DHRS4: variants seen among roughly 807,000 people sequenced by gnomAD.
DHRS4 encodes dehydrogenase/reductase SDR family member 4.
DHRS4 carries 20 observed loss-of-function variants against 28.4 expected under a neutral mutation model. That is an observed-to-expected ratio of 0.71 (90% CI 0.50 to 1.02). DHRS4 has a LOEUF of 1.02. Among genes scored for constraint, DHRS4 ranks in the 50% least tolerant of loss-of-function variants. The probability of loss-of-function intolerance (pLI) is 0.00; values close to 1 mark genes in which losing one functional copy is unlikely to be tolerated. For synonymous variants in DHRS4, 144 were observed against 146.4 expected (o/e 0.98, Z 0.12); for missense variants, 378 against 367.2 (o/e 1.03, Z -0.24).
At chr14:23,954,924 T>C (rs1423510833) in intron 1 of DHRS4, 111 bp from the exon 2 acceptor site, 7 of 1,543,888 alleles carry the variant, frequency 4.5e-6, no homozygotes, top group Non-Finnish European at 6.1e-6. Context: ...GTAGGGGTTA[T>C]ATAGAGAAAG....
Position 23,958,651 on chromosome 14 carries a change from T to C in DHRS4, c.307-1251T>C, listed in dbSNP as rs145271891. Among the ~76,000 whole-genome samples the C allele has an allele frequency of 3.6e-3, 554 of 152,256 alleles. 3 individuals carry two copies. Among genetic ancestry groups the C allele is most frequent in the African/African-American group, 0.013 (528 of 41,530 alleles). ...CAGGGAAAATGACATCATAACCAAA[T>C]ATGGAATTGCTTTAAATTCAGGCTG... On this transcript the variant is annotated intron_variant, in intron 2 of 7. Coordinates refer to ENST00000313250, the MANE Select transcript of DHRS4 (RefSeq NM_021004.4).
intron 2 of DHRS4, among the ~76,000 whole-genome samples, chr14:23,957,813 AG>A (rs2033237288): frequency 6.7e-6 from 1 of 149,240 alleles, no homozygotes; most frequent in Non-Finnish European, 1.5e-5. Flanking sequence ...GGCCTACCAA[AG>A]TGCTAGGATT....
At position 23,968,113 on chromosome 14, in the gene DHRS4, CTTTTT is replaced by C. The variant is rs1422956878; in HGVS notation, c.723-642_723-638del. 1.9e-5 allele frequency: 2 copies of C among 102,772 alleles called. 1 individual carries two copies. Among genetic ancestry groups the C allele is most frequent in the Non-Finnish European group, 3.7e-5 (2 of 54,158 alleles). 6.4% of individuals were successfully genotyped at this position (102,772 alleles called of 1,614,324 possible). On this transcript the variant is annotated intron_variant, in intron 7 of 7. Transcript: ENST00000313250. ...TTTTCTTTGTCTTTTCTTTTCTTTTCTTTTTTGGTTTAAGCCTCTCAAATGATTGC... is the reference window on the plus strand; with the variant it reads ...TTTTCTTTGTCTTTTCTTTTCTTTTCTGGTTTAAGCCTCTCAAATGATTGC...
chr14:23,954,952 G>A (rs572047087), intron 1 of DHRS4, 83 bp from the exon 2 acceptor site: 26 of 1,579,098 alleles, frequency 1.6e-5, no homozygotes, highest in Admixed American at 1.3e-4. Context: ...ATTCAAACCC[G>A]GGCAGTCTTA....
chr14:23,958,903 A>G (rs1449515461), intron 2 of DHRS4, among the ~76,000 whole-genome samples: 2 of 152,202 alleles, frequency 1.3e-5, no homozygotes, highest in Non-Finnish European at 2.9e-5. Context: ...CTACTGAACT[A>G]TAAGATCTTG....
At chr14:23,967,314 G>T (rs780495364) in intron 7 of DHRS4, 48 bp downstream of exon 7, 3 of 1,593,284 alleles carry the variant, frequency 1.9e-6, no homozygotes, top group East Asian at 4.6e-5. Context: ...AAGATGGGAA[G>T]GTCTGGTCCC....
intron 2 of DHRS4, among the ~76,000 whole-genome samples, chr14:23,957,602 G>C (rs1010747094): frequency 1.3e-5 from 2 of 150,356 alleles, no homozygotes; most frequent in African/African-American, 4.9e-5. Flanking sequence ...TGTTGCCCAG[G>C]CTGCAGTGCA....
intron 3 of DHRS4, among the ~76,000 whole-genome samples, chr14:23,960,599 T>G (rs1417597767): frequency 6.6e-6 from 1 of 152,004 alleles, no homozygotes; most frequent in Non-Finnish European, 1.5e-5. Context: ...TATGTGAAAG[T>G]GTATAATTAC....
chr14:23,953,836 G>C lies in DHRS4; in HGVS notation c.48G>C (p.Ser16=), dbSNP rs771904106. The change falls in exon 1 of 8, where the codon TCG becomes TCC. Residue 16 remains serine, a synonymous_variant. Transcript: ENST00000313250. ...GCCTCTGTGCCCGGGCTTGGAATTC[G>C]GTGCGGATGGCCAGCTCCGGGATGA... ...LLGLCARAWN[S]VRMASSGMTR... is the part of the protein sequence containing the mutation. The C allele has an allele frequency of 1.9e-6, 3 of 1,613,940 alleles. No individual in the cohort carries two copies. Among genetic ancestry groups the C allele is most frequent in the Non-Finnish European group, 2.5e-6 (3 of 1,179,970 alleles).
chr14:23,955,130 C>T lies in DHRS4; in HGVS notation c.224C>T (p.Thr75Met), dbSNP rs139648244. 496 of 1,614,016 alleles carry T rather than the reference C, an allele frequency of 3.1e-4. No individual in the cohort carries two copies. The highest frequency in any genetic ancestry group is 3.9e-4 in the Non-Finnish European group (462 of 1,179,914). ...CAGAATGTGGACCAGGCGGTGGCCA[C>T]GCTGCAGGGGGAGGGGCTGAGCGTG... is the stretch of plus-strand genomic sequence containing the variant. Reference protein sequence around the residue: ...KQQNVDQAVATLQGEGLSVTG... With the variant: ...KQQNVDQAVAMLQGEGLSVTG... The change falls in exon 2 of 8, where the codon ACG becomes ATG. Residue 75 changes from threonine to methionine, a missense_variant. Coordinates refer to ENST00000313250, the MANE Select transcript of DHRS4 (RefSeq NM_021004.4).
chr14:23,968,526 A>G (rs1052764431), intron 7 of DHRS4, among the ~76,000 whole-genome samples: 2 of 151,080 alleles, frequency 1.3e-5, no homozygotes, highest in African/African-American at 4.9e-5. Flanking sequence ...GTGTGTTTCT[A>G]TAGTATTTGA....
chr14:23,956,768 T>C (rs1483179026), intron 2 of DHRS4, among the ~76,000 whole-genome samples: 1 of 152,034 alleles, frequency 6.6e-6, no homozygotes, highest in Non-Finnish European at 1.5e-5. Context: ...CACGTCCAGC[T>C]AATTTTTGTA....
chr14:23,956,515 AG>A (rs1213548687), intron 2 of DHRS4, among the ~76,000 whole-genome samples: 2 of 152,056 alleles, frequency 1.3e-5, no homozygotes, highest in African/African-American at 4.8e-5. Flanking sequence ...GAGCACTGTC[AG>A]GCCACAGTGG....
intron 3 of DHRS4, among the ~76,000 whole-genome samples, chr14:23,963,711 G>T (rs2033504244): frequency 6.9e-6 from 1 of 145,906 alleles, no homozygotes; most frequent in Non-Finnish European, 1.5e-5. Flanking sequence ...TTTCCTTCAA[G>T]AATTTTTCCT....
At chr14:23,954,914 G>T in intron 1 of DHRS4, 121 bp from the exon 2 acceptor site, 11 of 1,507,506 alleles carry the variant, frequency 7.3e-6, no homozygotes, top group Non-Finnish European at 6.2e-6. Context: ...GTAGGCACAC[G>T]TAGGGGTTAT....
At position 23,968,410 on chromosome 14, in the gene DHRS4, T is replaced by G. The variant is rs1179875027; in HGVS notation, c.723-347T>G. Among the ~76,000 whole-genome samples the G allele has an allele frequency of 2.0e-5, 3 of 150,722 alleles. 1 individual carries two copies. In the South Asian group the frequency reaches 6.3e-4, roughly 31 times the overall value. On this transcript the variant is annotated intron_variant, in intron 7 of 7. Transcript: ENST00000313250. ...TACTGTCACACAGACTCCCTGATAC[T>G]TTAGTGTGTGCACATGTGAAACCAT...
chr14:23,955,891 A>G (rs1001315120), intron 2 of DHRS4, among the ~76,000 whole-genome samples: 17 of 152,236 alleles, frequency 1.1e-4, no homozygotes, highest in African/African-American at 3.9e-4. Flanking sequence ...TGAAGCAAAT[A>G]TGAAGCATTC....
intron 3 of DHRS4, among the ~76,000 whole-genome samples, chr14:23,964,219 G>GT (rs1379123810): frequency 3.8e-4 from 6 of 15,750 alleles, no homozygotes; most frequent in Non-Finnish European, 4.5e-4. Flanking sequence ...ACTGCAATTT[G>GT]TAAAAAAAAA....
chr14:23,958,964 T>C (rs932978955), intron 2 of DHRS4, among the ~76,000 whole-genome samples: 9 of 152,202 alleles, frequency 5.9e-5, no homozygotes, highest in Non-Finnish European at 8.8e-5. Flanking sequence ...GACACTGGAA[T>C]AGATGATCTC....
Sources: allele counts gnomAD v4.1 joint callset (sites outside exome capture counted in the v4.1 genomes callset), GRCh38; gene constraint gnomAD v4.1.1; transcripts MANE v1.5; gene names NCBI Gene and HGNC (gene_info 2026-07-23, HGNC 2026-07-21).